The following PCDHGB3 variants were observed in gnomAD, a reference collection of about 807,000 sequenced individuals.
The protein encoded by PCDHGB3 is protocadherin gamma-B3.
Under a neutral mutation model 59.2 loss-of-function variants are expected in PCDHGB3, and 40 were observed. The observed-to-expected ratio is 0.68, with a 90% CI of 0.52 to 0.88. The LOEUF (loss-of-function observed/expected upper bound fraction) is 0.88, where lower values mean the gene tolerates loss of function less well. PCDHGB3 is among the 40% of genes least tolerant of loss of function. The probability of loss-of-function intolerance (pLI) is 0.00; values close to 1 mark genes in which losing one functional copy is unlikely to be tolerated. For missense variants in PCDHGB3, 1,309 were observed against 1,187.9 expected (o/e 1.10, Z -1.50); for synonymous variants, 581 against 503.6 (o/e 1.15, Z -2.06).
At chr5:141,413,355 C>G in intron 1 of PCDHGB3, 1 of 1,613,952 alleles carries the variant, frequency 6.2e-7, no homozygotes, top group Non-Finnish European at 8.5e-7. Context: ...GTCTGGCGCC[C>G]CGGGAGCTGG....
At chr5:141,393,602 T>G in intron 1 of PCDHGB3, 1 of 1,613,892 alleles carries the variant, frequency 6.2e-7, no homozygotes, top group Non-Finnish European at 8.5e-7. Context: ...GGCTGCTTAC[T>G]GTAACAGCCA....
chr5:141,464,524 T>C (rs2099086175), intron 1 of PCDHGB3, among the ~76,000 whole-genome samples: 1 of 152,094 alleles, frequency 6.6e-6, no homozygotes, highest in Non-Finnish European at 1.5e-5. Context: ...AAGGCATATG[T>C]AGTTTTGTTA....
At chr5:141,450,702 G>A (rs1466981422) in intron 1 of PCDHGB3, among the ~76,000 whole-genome samples, 1 of 152,026 alleles carries the variant, frequency 6.6e-6, no homozygotes, top group Non-Finnish European at 1.5e-5. Flanking sequence ...GCCCAGGATG[G>A]TCTCCAACTC....
chr5:141,370,999 G>T lies in PCDHGB3; in HGVS notation c.605G>T (p.Arg202Met). The change falls in exon 1 of 4, where the codon AGG becomes ATG. Residue 202 changes from arginine to methionine, a missense_variant. Arg to Met is a moderately conservative substitution (Grantham distance 91). Transcript: ENST00000576222. ...PELVLKAPLDREEQPHHHLVL... is the reference protein window; with the variant it reads ...PELVLKAPLDMEEQPHHHLVL... ...CTAGTACTGAAAGCACCCCTGGACA[G>T]GGAAGAGCAGCCACATCACCACCTG... 3 of 1,614,020 alleles carry T rather than the reference G, an allele frequency of 1.9e-6. No homozygotes were observed. Among genetic ancestry groups the T allele is most frequent in the Non-Finnish European group, 2.5e-6 (3 of 1,179,912 alleles).
chr5:141,385,131 C>A lies in PCDHGB3; in HGVS notation c.2415+12322C>A, dbSNP rs371376308. Reference sequence around the variant, plus strand: ...CCACCTCGCACTTTGTGGGCATGGACGGGGTGCAGGCTTTCCTGCAGACCT... The same window carrying A: ...CCACCTCGCACTTTGTGGGCATGGAAGGGGTGCAGGCTTTCCTGCAGACCT... On this transcript the variant is annotated intron_variant, in intron 1 of 3. Transcript: ENST00000576222. The A allele has an allele frequency of 1.2e-6, 2 of 1,614,200 alleles. No homozygotes were observed. Among genetic ancestry groups the A allele is most frequent in the Non-Finnish European group, 1.7e-6 (2 of 1,180,056 alleles).
intron 1 of PCDHGB3, chr5:141,478,214 C>T (rs1258200424): frequency 6.2e-7 from 1 of 1,614,140 alleles, no homozygotes; most frequent in Admixed American, 1.7e-5. Flanking sequence ...TTCTCTAATC[C>T]TGGTTTCTGT....
At position 141,491,346 on chromosome 5, in the gene PCDHGB3, T is replaced by A. The variant is rs760843553; in HGVS notation, c.2416-3461T>A. ...TCATTGTGGCTCTAGCGACCGTCAG[T>A]CTCTTATCCCTAGTCACCTTCACCT... On this transcript the variant is annotated intron_variant, in intron 1 of 3. Coordinates refer to ENST00000576222, the MANE Select transcript of PCDHGB3 (RefSeq NM_018924.5). This position sits in a 1 kb window ranked among gnomAD's most constrained non-coding sequence, Gnocchi z 6.9. The A allele has an allele frequency of 6.2e-7, 1 of 1,614,088 alleles. No individual in the cohort carries two copies. The highest frequency in any genetic ancestry group is 1.1e-5 in the South Asian group (1 of 91,080).
At chr5:141,502,134 C>T (rs566073996) in intron 2 of PCDHGB3, among the ~76,000 whole-genome samples, 10 of 152,288 alleles carry the variant, frequency 6.6e-5, no homozygotes, top group African/African-American at 2.2e-4. Flanking sequence ...AGAGCTCAGT[C>T]GGGCCGGAAG....
intron 1 of PCDHGB3, among the ~76,000 whole-genome samples, chr5:141,396,897 T>C (rs1337739986): frequency 1.3e-5 from 2 of 152,220 alleles, no homozygotes; most frequent in African/African-American, 4.8e-5. Flanking sequence ...CAACATATTA[T>C]TGGCACTTTG....
intron 1 of PCDHGB3, chr5:141,421,280 G>A (rs564480755): frequency 1.2e-6 from 2 of 1,612,948 alleles, no homozygotes; most frequent in South Asian, 2.2e-5. Context: ...CTGCTGCTGT[G>A]CATTTTCCTG....
chr5:141,460,608 T>A (rs2098993153), intron 1 of PCDHGB3, among the ~76,000 whole-genome samples: 1 of 152,186 alleles, frequency 6.6e-6, no homozygotes, highest in Non-Finnish European at 1.5e-5. Context: ...CTGTGTTAGA[T>A]GGATAGATAG....
intron 1 of PCDHGB3, among the ~76,000 whole-genome samples, chr5:141,481,710 T>C (rs1447483213): frequency 6.6e-6 from 1 of 151,556 alleles, no homozygotes; most frequent in Non-Finnish European, 1.5e-5. Context: ...TCCCAGCACT[T>C]TGGGAGGCGG....
chr5:141,423,609 A>G lies in PCDHGB3; in HGVS notation c.2415+50800A>G, dbSNP rs748925693. The G allele has an allele frequency of 5.0e-6, 8 of 1,611,572 alleles. No homozygotes were observed. The South Asian group carries it at 7.7e-5, about 16-fold the overall frequency. ...GTGAGAAAAGCGAGCCACTCTTGAT[A>G]GCTGAAGACTCAGCTATCATTTTAG... On this transcript the variant is annotated intron_variant, in intron 1 of 3. Transcript: ENST00000576222.
chr5:141,413,652 G>T, intron 1 of PCDHGB3: 4 of 1,613,780 alleles, frequency 2.5e-6, no homozygotes, highest in Non-Finnish European at 3.4e-6. Context: ...TTCCTCTCCC[G>T]GAAGCTATTG....
intron 1 of PCDHGB3, among the ~76,000 whole-genome samples, chr5:141,458,408 C>A (rs895785923): frequency 6.6e-6 from 1 of 151,932 alleles, no homozygotes; most frequent in East Asian, 1.9e-4. Flanking sequence ...AGAGACGGAG[C>A]GGGGGTTCCA....
Position 141,491,306 on chromosome 5 carries a change from A to G in PCDHGB3, c.2416-3501A>G. ...CTCATACACCCTCCTGAGCGTTCAGACCTTACCCTTTACCTCATTGTGGCT... is the reference window on the plus strand; with the variant it reads ...CTCATACACCCTCCTGAGCGTTCAGGCCTTACCCTTTACCTCATTGTGGCT... On this transcript the variant is annotated intron_variant, in intron 1 of 3. Coordinates refer to ENST00000576222, the MANE Select transcript of PCDHGB3 (RefSeq NM_018924.5). This position sits in a 1 kb window ranked among gnomAD's most constrained non-coding sequence, Gnocchi z 6.9. 1 of 1,614,032 alleles carries G rather than the reference A, an allele frequency of 6.2e-7. No individual in the cohort carries two copies. The highest frequency in any genetic ancestry group is 2.2e-5 in the East Asian group (1 of 44,872).
Position 141,371,060 on chromosome 5 carries a change from A to ATC in PCDHGB3, c.666_667insTC (p.Cys224AlafsTer8), listed in dbSNP as rs751376669. 1.2e-6 allele frequency: 2 copies of ATC among 1,613,980 alleles called. No individual in the cohort carries two copies. The highest frequency in any genetic ancestry group is 2.2e-5 in the South Asian group (2 of 91,086). On this transcript the variant is annotated frameshift_variant, in exon 1 of 4. Coordinates refer to ENST00000576222, the MANE Select transcript of PCDHGB3 (RefSeq NM_018924.5). LOFTEE classifies it high-confidence loss of function. ...CTGTGGATGGGGGCGAGCCCTCCAG[A>ATC]AGCTGTACCACCCAGATCAGGGTAA...
In PCDHGB3 at chr5:141,478,301, G is replaced by C. The variant is rs778427815; in HGVS notation, c.2416-16506G>C. ...GAAGCAGTCTAGAGACCTATACCGA[G>C]CCCCGGTGAGCTCACTGTACCGAAC... On this transcript the variant is annotated intron_variant, in intron 1 of 3. Coordinates refer to ENST00000576222, the MANE Select transcript of PCDHGB3 (RefSeq NM_018924.5). 2.5e-6 allele frequency: 4 copies of C among 1,614,074 alleles called. No individual in the cohort carries two copies. In the South Asian group the frequency reaches 4.4e-5, roughly 18 times the overall value.
chr5:141,476,864 C>T lies in PCDHGB3; in HGVS notation c.2416-17943C>T, dbSNP rs1318457627. ...GCCTGTCTTCAACCAGTCCTTGTAC[C>T]GGGCGCGCGTCCTGGAGGATGCACC... is the stretch of plus-strand genomic sequence containing the variant. On this transcript the variant is annotated intron_variant, in intron 1 of 3. Coordinates refer to ENST00000576222, the MANE Select transcript of PCDHGB3 (RefSeq NM_018924.5). This position sits in a 1 kb window ranked among gnomAD's most constrained non-coding sequence, Gnocchi z 7.6. 4.3e-6 allele frequency: 7 copies of T among 1,613,838 alleles called. No homozygotes were observed. Among genetic ancestry groups the T allele is most frequent in the Non-Finnish European group, 5.9e-6 (7 of 1,180,044 alleles).
Sources: gnomAD v4.1 joint callset for allele counts (sites outside exome capture counted in the v4.1 genomes callset) on GRCh38, gnomAD v4.1.1 for gene constraint, Gnocchi (gnomAD v3.1) non-coding constraint, MANE v1.5 for transcripts, NCBI Gene and HGNC (gene_info 2026-07-23, HGNC 2026-07-21) for gene names.